CDH9: variants seen among roughly 807,000 people sequenced by gnomAD.
CDH9 encodes the protein cadherin-9.
A neutral mutation model predicts 70.9 loss-of-function variants in CDH9; 28 were observed. The observed-to-expected ratio is 0.40, with a 90% CI of 0.29 to 0.54. The LOEUF is 0.54. Ranked by LOEUF, CDH9 falls within the 20% of genes least tolerant of loss-of-function variation. The pLI is 0.59. For missense variants in CDH9, 874 were observed against 984.4 expected, an observed-to-expected ratio of 0.89 and a Z score of 1.50; for synonymous variants, 409 against 343.1, an observed-to-expected ratio of 1.19 and a Z score of -2.12.
chr5:26,958,697 G>T (rs1189450215), intron 2 of CDH9, among the ~76,000 whole-genome samples: 1 of 152,116 alleles, frequency 6.6e-6, no homozygotes, highest in African/African-American at 2.4e-5. Context: ...AGTATACGCA[G>T]AAATAATTTA....
At chr5:26,997,154 C>T (rs1383263889) in intron 1 of CDH9, among the ~76,000 whole-genome samples, 2 of 151,748 alleles carry the variant, frequency 1.3e-5, no homozygotes, top group African/African-American at 4.8e-5. Flanking sequence ...TAGAAACAAC[C>T]CATTGCCAGA....
In CDH9 at chr5:26,896,543, T is replaced by C. The variant is rs372821150; in HGVS notation, c.1253+5933A>G. ...ATGAAAATTTCATTTCATTATACAATAGAATGAAATGAAAATTTCATTTCA... is the reference window on the plus strand; with the variant it reads ...ATGAAAATTTCATTTCATTATACAACAGAATGAAATGAAAATTTCATTTCA... On this transcript the variant is annotated intron_variant, in intron 7 of 11. Coordinates refer to ENST00000231021, the MANE Select transcript of CDH9 (RefSeq NM_016279.4). Among the ~76,000 whole-genome samples the C allele has an allele frequency of 3.9e-3, 527 of 136,326 alleles. 2 individuals carry two copies. Among genetic ancestry groups the C allele is most frequent in the Non-Finnish European group, 6.6e-3 (409 of 61,588 alleles). 89.4% of individuals were successfully genotyped at this position (136,326 alleles called of 152,430 possible).
intron 1 of CDH9, among the ~76,000 whole-genome samples, chr5:26,992,965 G>A (rs893851206): frequency 1.3e-5 from 2 of 151,884 alleles, no homozygotes; most frequent in Admixed American, 6.6e-5. Flanking sequence ...GTGTAGTGGC[G>A]CATGCCTGTA....
chr5:26,911,441 A>T (rs1390312663), intron 3 of CDH9, among the ~76,000 whole-genome samples: 1 of 152,112 alleles, frequency 6.6e-6, no homozygotes, highest in African/African-American at 2.4e-5. Context: ...TGACCGAGTT[A>T]TTTTTGTTGT....
chr5:27,007,029 T>C (rs1295479293), intron 1 of CDH9, among the ~76,000 whole-genome samples: 1 of 152,108 alleles, frequency 6.6e-6, no homozygotes, highest in East Asian at 1.9e-4. Flanking sequence ...AGAAAAACTT[T>C]GATTTATATA....
chr5:27,035,702 GTGT>G (rs1743381356), intron 1 of CDH9, among the ~76,000 whole-genome samples: 7 of 133,042 alleles, frequency 5.3e-5, no homozygotes, highest in African/African-American at 1.9e-4. Flanking sequence ...GTGTGTGTGT[GTGT>G]GTGTGGGTGT....
chr5:26,942,157 T>C (rs550771920), intron 2 of CDH9, among the ~76,000 whole-genome samples: 1 of 152,298 alleles, frequency 6.6e-6, no homozygotes, highest in East Asian at 1.9e-4. Context: ...AAACACATCC[T>C]TATTCACATG....
In CDH9 at chr5:26,988,102, T is replaced by C. The variant is rs765710886; in HGVS notation, c.228+4A>G. On this transcript the variant is annotated splice_donor_region_variant and intron_variant, in intron 2 of 11. Coordinates refer to ENST00000231021, the MANE Select transcript of CDH9 (RefSeq NM_016279.4). ...TTTTAGATTTCTCATACAAAAATTC[T>C]TACCTTGCCTACATATTGTGTGTCA... 3.0e-5 allele frequency: 48 copies of C among 1,591,610 alleles called. No individual in the cohort carries two copies. Among genetic ancestry groups the C allele is most frequent in the Non-Finnish European group, 4.3e-6 (5 of 1,164,012 alleles).
At chr5:26,941,930 G>C (rs552101817) in intron 2 of CDH9, among the ~76,000 whole-genome samples, 2 of 152,180 alleles carry the variant, frequency 1.3e-5, no homozygotes, top group Non-Finnish European at 2.9e-5. Context: ...GAGTGGCACA[G>C]GGCATCACAT....
intron 3 of CDH9, among the ~76,000 whole-genome samples, chr5:26,915,309 C>T (rs1287940666): frequency 6.6e-6 from 1 of 151,976 alleles, no homozygotes; most frequent in Non-Finnish European, 1.5e-5. Context: ...ACTGCTGATA[C>T]TATCTATTAT....
At chr5:26,993,645 G>A (rs1404092289) in intron 1 of CDH9, among the ~76,000 whole-genome samples, 2 of 143,174 alleles carry the variant, frequency 1.4e-5, no homozygotes, top group Non-Finnish European at 3.0e-5. Flanking sequence ...AATGAAAGAA[G>A]GCTGGTGGAT....
At chr5:27,037,518 C>A (rs912915824) in intron 1 of CDH9, among the ~76,000 whole-genome samples, 1 of 151,930 alleles carries the variant, frequency 6.6e-6, no homozygotes, top group Admixed American at 6.6e-5. Flanking sequence ...ACCCTGGTAA[C>A]AGTCTCTAAC....
intron 7 of CDH9, among the ~76,000 whole-genome samples, chr5:26,901,656 A>G (rs1740855862): frequency 6.6e-6 from 1 of 151,844 alleles, no homozygotes. Flanking sequence ...TGTATTGTCT[A>G]TCTCTTCAGC....
intron 2 of CDH9, among the ~76,000 whole-genome samples, chr5:26,987,573 A>G (rs1391788981): frequency 6.6e-6 from 1 of 152,058 alleles, no homozygotes; most frequent in African/African-American, 2.4e-5. Flanking sequence ...TCTGACTGGT[A>G]ATGAGCAACT....
At chr5:26,891,541 G>A (rs926778849) in intron 7 of CDH9, among the ~76,000 whole-genome samples, 2 of 152,120 alleles carry the variant, frequency 1.3e-5, no homozygotes, top group Non-Finnish European at 2.9e-5. Flanking sequence ...AGCCAGGCAT[G>A]GTGGCAGACA....
intron 2 of CDH9, among the ~76,000 whole-genome samples, chr5:26,983,120 A>T (rs1742429325): frequency 6.6e-6 from 1 of 152,114 alleles, no homozygotes; most frequent in Non-Finnish European, 1.5e-5. Flanking sequence ...ACAACAACAA[A>T]CAGATATGAG....
intron 1 of CDH9, among the ~76,000 whole-genome samples, chr5:27,006,457 C>A (rs1419391274): frequency 6.6e-6 from 1 of 152,086 alleles, no homozygotes; most frequent in Non-Finnish European, 1.5e-5. Context: ...CTCCTCTATG[C>A]AGCACCACTA....
intron 2 of CDH9, among the ~76,000 whole-genome samples, chr5:26,962,730 GTCT>G (rs1173062617): frequency 6.6e-6 from 1 of 151,884 alleles, no homozygotes; most frequent in East Asian, 1.9e-4. Flanking sequence ...TGTCACTGTA[GTCT>G]TCTTTTTATT....
chr5:26,889,987 T>C, intron 8 of CDH9, 30 bp from the exon 9 acceptor site: 1 of 1,605,496 alleles, frequency 6.2e-7, no homozygotes, highest in East Asian at 2.2e-5. Context: ...AAGATTTCAG[T>C]CTCATTTACA....
Sources: allele counts gnomAD v4.1 joint callset (sites outside exome capture counted in the v4.1 genomes callset), GRCh38; gene constraint gnomAD v4.1.1; transcripts MANE v1.5; gene names NCBI Gene and HGNC (gene_info 2026-07-23, HGNC 2026-07-21).